Variants in WIPF3 observed in about 807,000 individuals in gnomAD.
WIPF3 encodes the protein WAS/WASL-interacting protein family member 3.
WIPF3 carries 33 observed loss-of-function variants against 38.9 expected under a neutral mutation model. That is an observed-to-expected ratio of 0.85 (90% CI 0.64 to 1.14). The LOEUF is 1.14. WIPF3 is among the 50% of genes most tolerant of loss of function. WIPF3 has a pLI of 0.00. For missense variants in WIPF3, 711 were observed against 652.5 expected (o/e 1.09, Z -0.98); for synonymous variants, 324 against 269.3 (o/e 1.20, Z -1.99).
intron 1 of WIPF3, among the ~76,000 whole-genome samples, chr7:29,830,868 A>G (rs1427875279): frequency 6.6e-6 from 1 of 152,228 alleles, no homozygotes; most frequent in Non-Finnish European, 1.5e-5. Context: ...AAAAAGGTAT[A>G]GAGCCAATCC....
At chr7:29,877,412 AAAGC>A (rs1785622992) in intron 3 of WIPF3, among the ~76,000 whole-genome samples, 1 of 152,242 alleles carries the variant, frequency 6.6e-6, no homozygotes, top group Non-Finnish European at 1.5e-5. Flanking sequence ...CAGGAGACTG[AAAGC>A]CTGCCTTTGT....
At chr7:29,867,915 A>G (rs932118212) in intron 2 of WIPF3, among the ~76,000 whole-genome samples, 16 of 152,318 alleles carry the variant, frequency 1.1e-4, no homozygotes, top group African/African-American at 3.4e-4. Flanking sequence ...TGTCAACAAA[A>G]TACTGATAGG....
intron 2 of WIPF3, among the ~76,000 whole-genome samples, chr7:29,872,721 G>A (rs774797346): frequency 1.0e-4 from 15 of 147,558 alleles, no homozygotes; most frequent in Middle Eastern, 3.6e-3. Context: ...GCGTGAACCC[G>A]GGAAGCGGAG....
Position 29,834,776 on chromosome 7 carries a change from CTGGG to C in WIPF3, c.53_56del (p.Leu18ArgfsTer13). 1 of 1,492,220 alleles carries C rather than the reference CTGGG, an allele frequency of 6.7e-7. No individual in the cohort carries two copies. The highest frequency in any genetic ancestry group is 1.3e-5 in the South Asian group (1 of 77,524). 92.4% of individuals were successfully genotyped at this position (1,492,220 alleles called of 1,614,324 possible). A position where few individuals can be genotyped will look rare whatever the true frequency, so the allele number is the denominator to read the frequency against. ...TCCTCTGCCTCCACCTCCCCCGCCT[CTGGG>C]GGCTCCTCCCCCTCCCCCACCATCA... On this transcript the variant is annotated frameshift_variant, in exon 2 of 9. Coordinates refer to ENST00000242140, the MANE Select transcript of WIPF3 (RefSeq NM_001080529.3). LOFTEE classifies it high-confidence loss of function.
chr7:29,821,606 T>C (rs1784537591), intron 1 of WIPF3, among the ~76,000 whole-genome samples: 1 of 152,224 alleles, frequency 6.6e-6, no homozygotes, highest in Admixed American at 6.5e-5. Context: ...TTTAAATGTA[T>C]AGAATTAAAT....
chr7:29,812,136 A>C (rs995136947), intron 1 of WIPF3, among the ~76,000 whole-genome samples: 1 of 152,234 alleles, frequency 6.6e-6, no homozygotes, highest in Non-Finnish European at 1.5e-5. Flanking sequence ...AAAAAGAAAA[A>C]TCCAGTGCTA....
At chr7:29,834,571 ATCAAGCTGACTATAATATGCATG>A (rs1184724941) in intron 1 of WIPF3, 74 bp from the exon 2 acceptor site, 53 of 1,124,090 alleles carry the variant, frequency 4.7e-5, no homozygotes, top group Non-Finnish European at 5.9e-5. Context: ...AGGTGAAAGA[ATCAAGCTGACTATAATATGCATG>A]TCTGCAAGAT....
At chr7:29,830,741 G>A (rs1363495508) in intron 1 of WIPF3, among the ~76,000 whole-genome samples, 2 of 152,172 alleles carry the variant, frequency 1.3e-5, no homozygotes, top group African/African-American at 4.8e-5. Context: ...CTGAGGCAAA[G>A]TTGGGTTATT....
chr7:29,852,294 G>A (rs1785114315), intron 2 of WIPF3, among the ~76,000 whole-genome samples: 1 of 152,238 alleles, frequency 6.6e-6, no homozygotes, highest in Non-Finnish European at 1.5e-5. Context: ...ACGATGCCTA[G>A]CCTAAAGCTT....
At chr7:29,812,435 A>G (rs1356345372) in intron 1 of WIPF3, among the ~76,000 whole-genome samples, 1 of 152,190 alleles carries the variant, frequency 6.6e-6, no homozygotes, top group African/African-American at 2.4e-5. Flanking sequence ...ATAGGACTTC[A>G]TCCTAAATCT....
chr7:29,890,124 T>C (rs916932919), intron 7 of WIPF3, among the ~76,000 whole-genome samples: 4 of 152,122 alleles, frequency 2.6e-5, no homozygotes, highest in Non-Finnish European at 4.4e-5. Flanking sequence ...TTTGGGAGGC[T>C]GAGGCAGGAG....
intron 2 of WIPF3, among the ~76,000 whole-genome samples, chr7:29,874,617 T>C (rs947776791): frequency 1.3e-5 from 2 of 152,156 alleles, no homozygotes; most frequent in Non-Finnish European, 2.9e-5. Context: ...ATTTCTAAGG[T>C]CACGTGGCTG....
Position 29,851,231 on chromosome 7 carries a change from G to A in WIPF3, c.90+16417G>A, listed in dbSNP as rs193215770. Among the ~76,000 whole-genome samples, 94 of 152,148 alleles carry A rather than the reference G, an allele frequency of 6.2e-4. 1 individual carries two copies. The highest frequency in any genetic ancestry group is 8.8e-5 in the Non-Finnish European group (6 of 68,044). Reference sequence around the variant, plus strand: ...GGTGCTGAGACTGGAGGTGGGGGACGGAGATTGAACCCCCCTTTCCCCAGG... The same window carrying A: ...GGTGCTGAGACTGGAGGTGGGGGACAGAGATTGAACCCCCCTTTCCCCAGG... On this transcript the variant is annotated intron_variant, in intron 2 of 8. Transcript: ENST00000242140.
Position 29,863,095 on chromosome 7 carries a change from C to T in WIPF3, c.91-12735C>T, listed in dbSNP as rs938605617. On this transcript the variant is annotated intron_variant, in intron 2 of 8. Coordinates refer to ENST00000242140, the MANE Select transcript of WIPF3 (RefSeq NM_001080529.3). ...ATTTTGAAATTAACATATAGTAAGA[C>T]TGACTTTTGCAGGGGAGGGTAACAA... is the stretch of plus-strand genomic sequence containing the variant. Among the ~76,000 whole-genome samples the T allele has an allele frequency of 2.0e-5, 3 of 152,124 alleles. No homozygotes were observed. In the East Asian group the frequency reaches 5.8e-4, roughly 29 times the overall value.
chr7:29,898,870 AT>A (rs1786214836), intron 7 of WIPF3, among the ~76,000 whole-genome samples: 1 of 152,146 alleles, frequency 6.6e-6, no homozygotes, highest in South Asian at 2.1e-4. Context: ...CTTTCTCCGA[AT>A]ATCCATGTGA....
Position 29,889,316 on chromosome 7 carries a change from G to C in WIPF3, c.1260G>C (p.Glu420Asp). ...NGSLHIIDDF[E>D]SKFTFHSVED... ...TTCGCTTGTGTGCAGATGACTTCGA[G>C]TCTAAATTCACGTTCCATTCTGTGG... Residue 420 changes from glutamate (E) to aspartate (D), a missense_variant, in exon 7 of 9, where the codon GAG (glutamate) becomes GAC (aspartate). Physicochemically the swap from Glu to Asp is conservative, Grantham distance 45. Transcript: ENST00000242140. 6.2e-7 allele frequency: 1 copy of C among 1,613,862 alleles called. No individual in the cohort carries two copies. Among genetic ancestry groups the C allele is most frequent in the Non-Finnish European group, 8.5e-7 (1 of 1,179,790 alleles).
intron 2 of WIPF3, among the ~76,000 whole-genome samples, chr7:29,860,319 G>T (rs983183596): frequency 3.3e-5 from 5 of 152,128 alleles, no homozygotes; most frequent in Non-Finnish European, 7.4e-5. Flanking sequence ...TGGAGGTGGG[G>T]CCTAATGGAT....
At position 29,824,587 on chromosome 7, in the gene WIPF3, T is replaced by C. The variant is rs191373577; in HGVS notation, c.-57-10081T>C. Among the ~76,000 whole-genome samples the C allele has an allele frequency of 5.4e-3, 804 of 148,748 alleles. 6 individuals are homozygous for C. The highest frequency in any genetic ancestry group is 0.018 in the African/African-American group (741 of 40,604). ...AAAGAAAAAAAAGGATATAAGAAAA[T>C]GTCAACAGTGTGATGTGGGTAAAAC... is the stretch of plus-strand genomic sequence containing the variant. On this transcript the variant is annotated intron_variant, in intron 1 of 8. Coordinates refer to ENST00000242140, the MANE Select transcript of WIPF3 (RefSeq NM_001080529.3).
intron 1 of WIPF3, among the ~76,000 whole-genome samples, chr7:29,809,044 T>A (rs1487087052): frequency 6.6e-6 from 1 of 152,106 alleles, no homozygotes; most frequent in Non-Finnish European, 1.5e-5. Flanking sequence ...AGGAAGGAAA[T>A]GTGTTTTCTA....
Sources: gnomAD v4.1 joint callset for allele counts (sites outside exome capture counted in the v4.1 genomes callset) on GRCh38, gnomAD v4.1.1 for gene constraint, MANE v1.5 for transcripts, NCBI Gene and HGNC (gene_info 2026-07-23, HGNC 2026-07-21) for gene names.